UNC5D: variants seen among roughly 807,000 people sequenced by gnomAD.
UNC5D encodes the protein netrin receptor UNC5D.
A neutral mutation model predicts 105.4 loss-of-function variants in UNC5D; 39 were observed. The ratio of observed to expected loss-of-function variants is 0.37; its 90% confidence interval spans 0.29 to 0.48. The LOEUF (loss-of-function observed/expected upper bound fraction) is 0.48. UNC5D is among the 20% of genes least tolerant of loss of function. The pLI is 0.98. For synonymous variants in UNC5D, 452 were observed against 450.4 expected (o/e 1.00, Z -0.04); for missense variants, 991 against 1,202.4 (o/e 0.82, Z 2.60).
At chr8:35,470,912 T>C (rs1274083438) in intron 1 of UNC5D, among the ~76,000 whole-genome samples, 3 of 152,334 alleles carry the variant, frequency 2.0e-5, no homozygotes, top group Non-Finnish European at 4.4e-5. Context: ...ACATTTGTAT[T>C]GTGTGTTTGT....
chr8:35,757,687 A>G (rs1250373582), intron 13 of UNC5D, among the ~76,000 whole-genome samples: 1 of 152,150 alleles, frequency 6.6e-6, no homozygotes, highest in Non-Finnish European at 1.5e-5. Flanking sequence ...GCCCAGCTCC[A>G]ACATAGCTCT....
At chr8:35,240,739 G>A (rs891167572) in intron 1 of UNC5D, among the ~76,000 whole-genome samples, 2 of 152,126 alleles carry the variant, frequency 1.3e-5, no homozygotes, top group Non-Finnish European at 2.9e-5. Context: ...GATGACAAAA[G>A]TACTCAAATG....
chr8:35,544,498 C>T (rs202067719), intron 1 of UNC5D: 167 of 1,612,416 alleles, frequency 1.0e-4, no homozygotes, highest in Middle Eastern at 1.7e-4. Flanking sequence ...CTGGGACTTC[C>T]GGGTTCCTGT....
At chr8:35,685,228 T>G (rs548309963) in intron 6 of UNC5D, among the ~76,000 whole-genome samples, 5 of 152,344 alleles carry the variant, frequency 3.3e-5, no homozygotes, top group African/African-American at 9.6e-5. Context: ...AGACAATTGA[T>G]AGAGACTGTA....
At chr8:35,486,891 A>G (rs1160661597) in intron 1 of UNC5D, among the ~76,000 whole-genome samples, 1 of 152,164 alleles carries the variant, frequency 6.6e-6, no homozygotes, top group Non-Finnish European at 1.5e-5. Context: ...CTAGGAGATG[A>G]GAACTGGCTT....
In UNC5D at chr8:35,766,947, C is replaced by T. The variant is rs952569669; in HGVS notation, c.2359C>T (p.His787Tyr). 1.2e-6 allele frequency: 2 copies of T among 1,613,964 alleles called. No individual in the cohort carries two copies. Among genetic ancestry groups the T allele is most frequent in the African/African-American group, 2.7e-5 (2 of 74,926 alleles). The stretch of plus-strand genomic sequence containing the variant: ...GTGGTGCAGTAACCGGCAGCCCCTG[C>T]ACTGTGCCTTCTCCCTGGAGCGTTA... ...RVWCSNRQPLHCAFSLERYTP... is the reference protein window; with the variant it reads ...RVWCSNRQPLYCAFSLERYTP... The change falls in exon 15 of 17, where the codon CAC becomes TAC. Residue 787 changes from histidine (H) to tyrosine (Y), a missense_variant. His to Tyr is a moderately conservative substitution (Grantham distance 83, BLOSUM62 2). Around this residue, in one of 3 missense-constraint regions of UNC5D, gnomAD observed 944 missense variants for 1,131.6 expected, o/e 0.83. Transcript: ENST00000404895.
chr8:35,776,662 A>G (rs537309049), intron 16 of UNC5D, among the ~76,000 whole-genome samples: 2 of 152,310 alleles, frequency 1.3e-5, no homozygotes, highest in African/African-American at 4.8e-5. Flanking sequence ...ATCTCCAGGA[A>G]AATTTTTTTG....
intron 1 of UNC5D, among the ~76,000 whole-genome samples, chr8:35,478,339 G>T (rs915902955): frequency 1.3e-5 from 2 of 152,084 alleles, no homozygotes; most frequent in Non-Finnish European, 2.9e-5. Flanking sequence ...TAAACTTGAT[G>T]TCAAAAGTTC....
intron 3 of UNC5D, among the ~76,000 whole-genome samples, chr8:35,574,756 C>G (rs1323901664): frequency 2.0e-5 from 3 of 152,146 alleles, no homozygotes; most frequent in Non-Finnish European, 1.5e-5. Context: ...CTGTACATTT[C>G]CATTCTTATC....
intron 2 of UNC5D, among the ~76,000 whole-genome samples, chr8:35,557,256 A>C (rs1816621141): frequency 6.6e-6 from 1 of 152,178 alleles, no homozygotes; most frequent in African/African-American, 2.4e-5. Context: ...TCTTGTGTGG[A>C]AGAAACTGGA....
intron 4 of UNC5D, among the ~76,000 whole-genome samples, chr8:35,648,097 A>G (rs1278953060): frequency 1.3e-5 from 2 of 152,158 alleles, no homozygotes; most frequent in Non-Finnish European, 2.9e-5. Flanking sequence ...GCAAACAGTG[A>G]ATCATAATAC....
intron 10 of UNC5D, among the ~76,000 whole-genome samples, chr8:35,728,278 A>ATGTG (rs144251037): frequency 6.6e-6 from 1 of 150,842 alleles, no homozygotes; most frequent in Non-Finnish European, 1.5e-5. Flanking sequence ...TAGTGTATGT[A>ATGTG]TGTGTGTGTG....
At chr8:35,239,467 A>C (rs1802670849) in intron 1 of UNC5D, among the ~76,000 whole-genome samples, 1 of 150,156 alleles carries the variant, frequency 6.7e-6, no homozygotes, top group East Asian at 2.0e-4. Context: ...ATTGGGAGAT[A>C]CTGCATGTTT....
At chr8:35,721,568 T>C in intron 8 of UNC5D, 1 of 700,886 alleles carries the variant, frequency 1.4e-6, no homozygotes, top group South Asian at 1.5e-5. Flanking sequence ...ACATCTGCCA[T>C]GGACTTAACA....
chr8:35,673,072 C>A (rs1420145761), intron 4 of UNC5D, among the ~76,000 whole-genome samples: 1 of 152,116 alleles, frequency 6.6e-6, no homozygotes, highest in East Asian at 1.9e-4. Context: ...AATGGCTTCA[C>A]AATTAAGCTG....
intron 1 of UNC5D, among the ~76,000 whole-genome samples, chr8:35,513,147 G>A (rs1364418677): frequency 6.6e-6 from 1 of 151,296 alleles, no homozygotes; most frequent in Non-Finnish European, 1.5e-5. Context: ...GCTATTCTGG[G>A]TTTGACATGT....
intron 10 of UNC5D, among the ~76,000 whole-genome samples, chr8:35,728,071 T>TAAAAAAAA (rs71215643): frequency 1.7e-4 from 7 of 41,040 alleles, no homozygotes; most frequent in African/African-American, 5.6e-4. Flanking sequence ...TTGCTGTCTC[T>TAAAAAAAA]AAAAAAAAAA....
rs1018454160 is a variant in UNC5D, at chr8:35,235,476, C to T, written c.-309C>T. On this transcript the variant is annotated 5_prime_UTR_variant, in exon 1 of 17. Coordinates refer to ENST00000404895, the MANE Select transcript of UNC5D (RefSeq NM_080872.4). Reference sequence around the variant, plus strand: ...GCGATGCGGACTCTCGCCTCCGCTCCGTAGTTCGGGGCCCGGCAGCGGCGC... The same window carrying T: ...GCGATGCGGACTCTCGCCTCCGCTCTGTAGTTCGGGGCCCGGCAGCGGCGC... The T allele has an allele frequency of 2.3e-5, 6 of 263,100 alleles. No homozygotes were observed. The highest frequency in any genetic ancestry group is 5.4e-5 in the Admixed American group (1 of 18,420). 16.3% of individuals were successfully genotyped at this position (263,100 alleles called of 1,614,324 possible).
At chr8:35,258,208 G>T (rs1395606378) in intron 1 of UNC5D, among the ~76,000 whole-genome samples, 1 of 152,156 alleles carries the variant, frequency 6.6e-6, no homozygotes, top group Non-Finnish European at 1.5e-5. Flanking sequence ...GCAAAAAAAG[G>T]GACACACTTG....
Sources: allele counts gnomAD v4.1 joint callset (sites outside exome capture counted in the v4.1 genomes callset), GRCh38; gene constraint gnomAD v4.1.1; regional missense constraint gnomAD v4.1.1; transcripts MANE v1.5; gene names NCBI Gene and HGNC (gene_info 2026-07-23, HGNC 2026-07-21).